TRDMT1: variants seen among roughly 807,000 people sequenced by gnomAD.
TRDMT1 encodes tRNA (cytosine(38)-C(5))-methyltransferase.
A neutral mutation model predicts 51.2 loss-of-function variants in TRDMT1; 49 were observed. That is an observed-to-expected ratio of 0.96 (90% CI 0.76 to 1.21). The LOEUF (loss-of-function observed/expected upper bound fraction) is 1.21. Among genes scored for constraint, TRDMT1 ranks in the 50% most tolerant of loss-of-function variants. TRDMT1 has a pLI of 0.00. For synonymous variants in TRDMT1, 187 were observed against 164.6 expected (o/e 1.14, Z -1.04); for missense variants, 534 against 462.3 (o/e 1.16, Z -1.42).
chr10:17,167,571 C>G (rs12770238), intron 3 of TRDMT1, among the ~76,000 whole-genome samples: 69,942 of 151,920 alleles, frequency 0.46, 16,392 homozygotes, highest in Middle Eastern at 0.52. Context: ...AAATGAAAAT[C>G]AATTAGTCAA....
rs140516462 is a variant in TRDMT1 at position 17,197,297 on chromosome 10, T to C, written c.64+4274A>G. Among the ~76,000 whole-genome samples, 20 of 152,140 alleles carry C rather than the reference T, an allele frequency of 1.3e-4. No homozygotes were observed. In the East Asian group the frequency reaches 3.1e-3, roughly 24 times the overall value. ...TAGTAAGCTAGAAAGAGTGTGGTAC[T>C]GTGCTAGAGGCTGTACAGGAACAGA... On this transcript the variant is annotated intron_variant, in intron 1 of 10. Coordinates refer to ENST00000377799, the MANE Select transcript of TRDMT1 (RefSeq NM_004412.7).
chr10:17,150,410 C>T, intron 10 of TRDMT1: 1 of 985,360 alleles, frequency 1.0e-6, no homozygotes, highest in Non-Finnish European at 1.2e-6. Context: ...TCTGCTTCCA[C>T]AAATTGCCTT....
chr10:17,168,673 G>A (rs1403851345), intron 3 of TRDMT1, among the ~76,000 whole-genome samples, 168 bp downstream of exon 3: 1 of 152,184 alleles, frequency 6.6e-6, no homozygotes, highest in Admixed American at 6.5e-5. Flanking sequence ...CCTGCTGCCC[G>A]TGACTTGTTC....
chr10:17,143,798 T>C lies in TRDMT1; in HGVS notation c.*5242A>G. ...AGAGTGAGAAGGAAGGTGAAGATGA[T>C]CTTTGGTTATGAAGCTTGAACTTGG... On this transcript the variant is annotated 3_prime_UTR_variant, in exon 11 of 11. Transcript: ENST00000377799. The C allele has an allele frequency of 1.0e-6, 1 of 985,426 alleles. No homozygotes were observed. Among genetic ancestry groups the C allele is most frequent in the Non-Finnish European group, 1.2e-6 (1 of 829,934 alleles). 61.0% of individuals were successfully genotyped at this position (985,426 alleles called of 1,614,324 possible).
At position 17,145,776 on chromosome 10, in the gene TRDMT1, T is replaced by C. The variant is rs916064388; in HGVS notation, c.*3264A>G. 6.1e-6 allele frequency: 6 copies of C among 985,380 alleles called. No individual in the cohort carries two copies. The highest frequency in any genetic ancestry group is 6.0e-6 in the Non-Finnish European group (5 of 829,952). The allele number at this position is 985,380 out of a possible 1,614,324, so 61.0% of individuals were successfully genotyped here. The stretch of plus-strand genomic sequence containing the variant: ...AGCAAAAGAGCAACCAGAGTGACTT[T>C]GGTTTGGATGCAGATGCAGCTGGCC... On this transcript the variant is annotated 3_prime_UTR_variant, in exon 11 of 11. Transcript: ENST00000377799.
At chr10:17,197,376 A>G (rs1278510158) in intron 1 of TRDMT1, among the ~76,000 whole-genome samples, 1 of 152,216 alleles carries the variant, frequency 6.6e-6, no homozygotes, top group Non-Finnish European at 1.5e-5. Context: ...GGGAAAATAG[A>G]TATAAATAAA....
intron 6 of TRDMT1, among the ~76,000 whole-genome samples, chr10:17,159,503 G>T (rs12358430): frequency 0.14 from 20,571 of 151,908 alleles, 1,488 homozygotes; most frequent in Admixed American, 0.17. Context: ...CAGCTAAGAC[G>T]TAGTATAGAT....
chr10:17,177,548 G>A (rs763304717), intron 1 of TRDMT1, among the ~76,000 whole-genome samples: 5 of 152,022 alleles, frequency 3.3e-5, no homozygotes, highest in Admixed American at 6.6e-5. Flanking sequence ...GATTGGCTCC[G>A]AAAGGAATAC....
At chr10:17,151,506 A>G (rs896238239) in intron 10 of TRDMT1, 1 of 984,808 alleles carries the variant, frequency 1.0e-6, no homozygotes, top group Non-Finnish European at 1.2e-6. Flanking sequence ...AGGGTCAATA[A>G]TGTTGGAAAC....
intron 1 of TRDMT1, among the ~76,000 whole-genome samples, chr10:17,193,233 C>T (rs573738597): frequency 6.6e-6 from 1 of 152,244 alleles, no homozygotes; most frequent in Admixed American, 6.5e-5. Context: ...CATGGTGGCG[C>T]ATGCCTGTAG....
rs775633027 is a variant in TRDMT1 at position 17,174,556 on chromosome 10, T to C, written c.169A>G (p.Ile57Val). 1 of 1,605,036 alleles carries C rather than the reference T, an allele frequency of 6.2e-7. No homozygotes were observed. The highest frequency in any genetic ancestry group is 1.1e-5 in the South Asian group (1 of 90,842). Residue 57 changes from isoleucine (I) to valine (V), a missense_variant, in exon 2 of 11, where the codon ATT (isoleucine) becomes GTT (valine). Physicochemically the swap from Ile to Val is conservative, Grantham distance 29. Transcript: ENST00000377799. ...FPHTQLLAKT[I>V]EGITLEEFDR... The stretch of plus-strand genomic sequence containing the variant: ...AAACAATGACAATTACTCACTTCAA[T>C]CGTCTTGGCAAGTAACTGTGTGTGA...
At chr10:17,171,727 A>C (rs1021644734) in intron 2 of TRDMT1, 1 of 152,188 alleles carries the variant, frequency 6.6e-6, no homozygotes, top group African/African-American at 2.4e-5. Flanking sequence ...TCTACACTGC[A>C]AAGCTTTACA....
chr10:17,155,873 C>T (rs1037799777), intron 8 of TRDMT1, among the ~76,000 whole-genome samples: 1 of 152,102 alleles, frequency 6.6e-6, no homozygotes, highest in Non-Finnish European at 1.5e-5. Context: ...CATCAGGCTC[C>T]TTTTATGCCA....
intron 3 of TRDMT1, 115 bp from the exon 4 acceptor site, chr10:17,162,352 C>A: frequency 3.1e-6 from 3 of 973,158 alleles, no homozygotes; most frequent in South Asian, 1.6e-5. Context: ...ATAAGTTGGT[C>A]CTCACAAAAA....
rs1347339302 is a variant in TRDMT1 at position 17,138,760 on chromosome 10, G to T, written c.*10280C>A. On this transcript the variant is annotated 3_prime_UTR_variant, in exon 11 of 11. Coordinates refer to ENST00000377799, the MANE Select transcript of TRDMT1 (RefSeq NM_004412.7). Reference sequence around the variant, plus strand: ...TGGAGAACTTTTCCACTTTTTTCAAGTTTTTTTTTTTAAGTAATATAATCC... The same window carrying T: ...TGGAGAACTTTTCCACTTTTTTCAATTTTTTTTTTTTAAGTAATATAATCC... Among the ~76,000 whole-genome samples the T allele has an allele frequency of 6.8e-6, 1 of 147,156 alleles. No homozygotes were observed. The highest frequency in any genetic ancestry group is 2.0e-4 in the East Asian group (1 of 5,094).
chr10:17,182,483 T>C (rs1244990613), intron 1 of TRDMT1, among the ~76,000 whole-genome samples: 1 of 152,190 alleles, frequency 6.6e-6, no homozygotes, highest in African/African-American at 2.4e-5. Context: ...GCATTTCAAA[T>C]TCCAAACTGG....
In TRDMT1 at chr10:17,147,216, T is replaced by C; in HGVS notation, c.*1824A>G. ...GAACCTACATGAAAGTGTGCCAAAA[T>C]AATTTGTGATTGTTTACTGAAATTT... is the stretch of plus-strand genomic sequence containing the variant. On this transcript the variant is annotated 3_prime_UTR_variant, in exon 11 of 11. Coordinates refer to ENST00000377799, the MANE Select transcript of TRDMT1 (RefSeq NM_004412.7). 1 of 985,850 alleles carries C rather than the reference T, an allele frequency of 1.0e-6. No homozygotes were observed. Among genetic ancestry groups the C allele is most frequent in the Non-Finnish European group, 1.2e-6 (1 of 829,936 alleles). 61.1% of individuals were successfully genotyped at this position (985,850 alleles called of 1,614,324 possible).
chr10:17,154,926 G>A (rs1363231545), intron 8 of TRDMT1, among the ~76,000 whole-genome samples, 192 bp from the exon 9 acceptor site: 5 of 152,010 alleles, frequency 3.3e-5, no homozygotes, highest in Non-Finnish European at 5.9e-5. Flanking sequence ...TCATTTAAAC[G>A]TCTCATCAAT....
chr10:17,173,060 G>C (rs1842225524), intron 2 of TRDMT1, among the ~76,000 whole-genome samples: 1 of 151,932 alleles, frequency 6.6e-6, no homozygotes, highest in South Asian at 2.1e-4. Flanking sequence ...TCTTTAAAAA[G>C]ACATTAGTGA....
Sources: allele counts gnomAD v4.1 joint callset (sites outside exome capture counted in the v4.1 genomes callset), GRCh38; gene constraint gnomAD v4.1.1; transcripts MANE v1.5; gene names NCBI Gene and HGNC (gene_info 2026-07-23, HGNC 2026-07-21).